KIF21A: variants seen among roughly 807,000 people sequenced by gnomAD.
The protein encoded by KIF21A is kinesin family member 21A, also known as kinesin-like protein KIF21A.
Under a neutral mutation model 202.9 loss-of-function variants are expected in KIF21A, and 114 were observed. The observed-to-expected ratio is 0.56, with a 90% CI of 0.48 to 0.66. KIF21A has a LOEUF of 0.66. Among genes scored for constraint, KIF21A ranks in the 30% least tolerant of loss-of-function variants. The probability of loss-of-function intolerance (pLI) is 0.00; values close to 1 mark genes in which losing one functional copy is unlikely to be tolerated. For synonymous variants in KIF21A, 667 were observed against 670.8 expected, an observed-to-expected ratio of 0.99 and a Z score of 0.09; for missense variants, 1,677 against 1,994.9, an observed-to-expected ratio of 0.84 and a Z score of 3.04.
At chr12:39,325,975 C>T in intron 25 of KIF21A, 82 bp from the exon 26 acceptor site, 1 of 1,062,240 alleles carries the variant, frequency 9.4e-7, no homozygotes, top group Non-Finnish European at 1.4e-6. Context: ...TCAACGACTA[C>T]AAAAAATTTA....
intron 17 of KIF21A, among the ~76,000 whole-genome samples, chr12:39,336,025 T>G (rs1281722829): frequency 6.6e-6 from 1 of 152,154 alleles, no homozygotes; most frequent in Non-Finnish European, 1.5e-5. Context: ...TTAGGAAAAG[T>G]TCAGCAAGTA....
chr12:39,410,721 C>T (rs1410505266), intron 1 of KIF21A, among the ~76,000 whole-genome samples: 1 of 152,050 alleles, frequency 6.6e-6, no homozygotes, highest in African/African-American at 2.4e-5. Flanking sequence ...TGAAATTATA[C>T]CAAGTTTTTT....
At chr12:39,336,936 C>T (rs1172943331) in intron 17 of KIF21A, among the ~76,000 whole-genome samples, 160 bp downstream of exon 17, 1 of 152,030 alleles carries the variant, frequency 6.6e-6, no homozygotes, top group Non-Finnish European at 1.5e-5. Context: ...TACCATAATC[C>T]ACATACTGTA....
At chr12:39,339,343 T>A (rs773515855) in intron 16 of KIF21A, among the ~76,000 whole-genome samples, 30 of 152,286 alleles carry the variant, frequency 2.0e-4, no homozygotes, top group Admixed American at 4.6e-4. Flanking sequence ...TAGCATTGTG[T>A]TAAAATTGCC....
At chr12:39,438,017 G>A (rs1023154920) in intron 1 of KIF21A, among the ~76,000 whole-genome samples, 7 of 152,104 alleles carry the variant, frequency 4.6e-5, no homozygotes, top group Non-Finnish European at 1.0e-4. Flanking sequence ...AAAACATTTG[G>A]AAGTATGTTT....
chr12:39,381,545 C>G (rs1407491055), intron 1 of KIF21A, among the ~76,000 whole-genome samples: 1 of 152,048 alleles, frequency 6.6e-6, no homozygotes, highest in Non-Finnish European at 1.5e-5. Context: ...GTTATTGATA[C>G]CAATTTTTAC....
chr12:39,367,569 A>C (rs139828763), intron 4 of KIF21A, among the ~76,000 whole-genome samples: 179 of 152,344 alleles, frequency 1.2e-3, no homozygotes, highest in Non-Finnish European at 2.2e-3. Context: ...TAAAGCAAAA[A>C]GTACAAAAGG....
At chr12:39,333,558 T>C (rs1374090414) in intron 17 of KIF21A, among the ~76,000 whole-genome samples, 1 of 152,226 alleles carries the variant, frequency 6.6e-6, no homozygotes, top group African/African-American at 2.4e-5. Flanking sequence ...GTGCAAGTAC[T>C]TTTCTAAATG....
At chr12:39,410,292 C>T (rs1446375073) in intron 1 of KIF21A, among the ~76,000 whole-genome samples, 1 of 152,166 alleles carries the variant, frequency 6.6e-6, no homozygotes, top group African/African-American at 2.4e-5. Flanking sequence ...ACCTCCAGAA[C>T]TATAAGATAA....
chr12:39,318,593 G>A (rs1419042275), intron 28 of KIF21A, among the ~76,000 whole-genome samples: 1 of 152,150 alleles, frequency 6.6e-6, no homozygotes. Flanking sequence ...AATCATTTAT[G>A]TGCTCCATCC....
At chr12:39,409,117 T>C (rs1222748735) in intron 1 of KIF21A, among the ~76,000 whole-genome samples, 1 of 151,894 alleles carries the variant, frequency 6.6e-6, no homozygotes, top group African/African-American at 2.4e-5. Flanking sequence ...ATTACAGGCA[T>C]GAATCACCAC....
chr12:39,370,027 T>C lies in KIF21A; in HGVS notation c.267+12A>G. On this transcript the variant is annotated intron_variant, in intron 2 of 37. Transcript: ENST00000361418. Reference sequence around the variant, plus strand: ...AAAGTTTCAACTCCTATGAAAATAATATGGCACTTACTTGTCCATAAGCAA... The same window carrying C: ...AAAGTTTCAACTCCTATGAAAATAACATGGCACTTACTTGTCCATAAGCAA... 1 of 1,607,260 alleles carries C rather than the reference T, an allele frequency of 6.2e-7. No homozygotes were observed. The highest frequency in any genetic ancestry group is 8.5e-7 in the Non-Finnish European group (1 of 1,173,914).
At chr12:39,320,136 G>T (rs1462990266) in intron 27 of KIF21A, 123 bp from the exon 28 acceptor site, 1 of 626,992 alleles carries the variant, frequency 1.6e-6, no homozygotes, top group East Asian at 2.8e-5. Flanking sequence ...TATTACTTGA[G>T]AACAAAAAAT....
At position 39,425,042 on chromosome 12, in the gene KIF21A, C is replaced by A. The variant is rs1954636487; in HGVS notation, c.44+17885G>T. Among the ~76,000 whole-genome samples, 3 of 152,124 alleles carry A rather than the reference C, an allele frequency of 2.0e-5. No individual in the cohort carries two copies. The South Asian group carries it at 6.2e-4, about 32-fold the overall frequency. ...ATATCTGGCTATACTGTCCTTCTCA[C>A]CTGTCCACTAACAGGCCAGTTTATT... On this transcript the variant is annotated intron_variant, in intron 1 of 37. Transcript: ENST00000361418.
At position 39,294,371 on chromosome 12, in the gene KIF21A, A is replaced by G; in HGVS notation, c.*53T>C. 1 of 1,337,112 alleles carries G rather than the reference A, an allele frequency of 7.5e-7. No homozygotes were observed. Among genetic ancestry groups the G allele is most frequent in the South Asian group, 1.2e-5 (1 of 85,166 alleles). The allele number at this position is 1,337,112 out of a possible 1,614,324, so 82.8% of individuals were successfully genotyped here. A position where few individuals can be genotyped will look rare whatever the true frequency, so the allele number is the denominator to read the frequency against. ...AAGTACAGGACAACATTTTCCATAAAGAATACAGAGTATTATCACAGCATT... is the reference window on the plus strand; with the variant it reads ...AAGTACAGGACAACATTTTCCATAAGGAATACAGAGTATTATCACAGCATT... On this transcript the variant is annotated 3_prime_UTR_variant, in exon 38 of 38. Transcript: ENST00000361418.
chr12:39,322,494 A>T, intron 27 of KIF21A, 174 bp downstream of exon 27: 1 of 549,780 alleles, frequency 1.8e-6, no homozygotes, highest in Non-Finnish European at 3.2e-6. Context: ...ATCTCATCTT[A>T]AATTATTTCA....
At chr12:39,367,844 G>T in intron 4 of KIF21A, 39 bp downstream of exon 4, 1 of 1,543,116 alleles carries the variant, frequency 6.5e-7, no homozygotes, top group Non-Finnish European at 8.9e-7. Context: ...TTTAAATAAA[G>T]CCAACTATGC....
chr12:39,395,591 C>T (rs1380516285), intron 1 of KIF21A, among the ~76,000 whole-genome samples: 2 of 152,112 alleles, frequency 1.3e-5, no homozygotes, highest in East Asian at 1.9e-4. Context: ...CCTGTAATCC[C>T]AGCACTTTGG....
intron 17 of KIF21A, among the ~76,000 whole-genome samples, chr12:39,334,538 AAT>A (rs797008833): frequency 8.0e-5 from 12 of 150,892 alleles, no homozygotes; most frequent in Admixed American, 2.0e-4. Flanking sequence ...AAGCAAAATT[AAT>A]ATGTTTTTTA....
Sources: allele counts gnomAD v4.1 joint callset (sites outside exome capture counted in the v4.1 genomes callset), GRCh38; gene constraint gnomAD v4.1.1; transcripts MANE v1.5; gene names NCBI Gene and HGNC (gene_info 2026-07-23, HGNC 2026-07-21).